The following PLPP4 variants were observed in gnomAD, a reference collection of about 807,000 sequenced individuals.
PLPP4 encodes phospholipid phosphatase 4.
In PLPP4, 20 loss-of-function variants were observed where a neutral mutation model predicts 32.2. The observed-to-expected ratio is 0.62, with a 90% CI of 0.44 to 0.90. The LOEUF is 0.90. PLPP4 is among the 40% of genes least tolerant of loss of function. The pLI, the probability that PLPP4 is intolerant of heterozygous loss-of-function variation, is 0.00. For synonymous variants in PLPP4, 127 were observed against 133.0 expected (o/e 0.95, Z 0.31); for missense variants, 257 against 353.1 (o/e 0.73, Z 2.18).
chr10:120,528,339 G>T (rs1846526159), intron 5 of PLPP4, among the ~76,000 whole-genome samples: 1 of 152,074 alleles, frequency 6.6e-6, no homozygotes, highest in Non-Finnish European at 1.5e-5. Context: ...CTCCCAAAGT[G>T]CTGGGATTAC....
At chr10:120,491,140 G>GT (rs1233900323) in intron 1 of PLPP4, among the ~76,000 whole-genome samples, 3 of 152,190 alleles carry the variant, frequency 2.0e-5, no homozygotes, top group African/African-American at 7.2e-5. Flanking sequence ...GCCCTGCTGG[G>GT]TGAGGGGACC....
chr10:120,457,201 A>G (rs2133757699), upstream of PLPP4: 1 of 827,716 alleles, frequency 1.2e-6, no homozygotes, highest in South Asian at 5.8e-5. Flanking sequence ...CGCGGCCTGG[A>G]GCGCGCCTCC....
intron 5 of PLPP4, among the ~76,000 whole-genome samples, chr10:120,573,473 C>T (rs960845922): frequency 6.6e-6 from 1 of 152,144 alleles, no homozygotes; most frequent in African/African-American, 2.4e-5. Flanking sequence ...TTATCTTGAA[C>T]TTACAGTTTA....
chr10:120,544,017 A>G (rs1398374457), intron 5 of PLPP4, among the ~76,000 whole-genome samples: 1 of 152,194 alleles, frequency 6.6e-6, no homozygotes, highest in South Asian at 2.1e-4. Flanking sequence ...TTCATCCAGC[A>G]GTGTACACTT....
At chr10:120,504,458 A>C (rs1297379632) in intron 2 of PLPP4, among the ~76,000 whole-genome samples, 1 of 152,222 alleles carries the variant, frequency 6.6e-6, no homozygotes, top group Non-Finnish European at 1.5e-5. Flanking sequence ...ACATTTCCAA[A>C]TAAGGAAGGG....
chr10:120,513,298 G>T (rs557158539), intron 2 of PLPP4, among the ~76,000 whole-genome samples: 1 of 152,174 alleles, frequency 6.6e-6, no homozygotes, highest in Admixed American at 6.5e-5. Flanking sequence ...CAGTACCATG[G>T]TTTCCACCTC....
At chr10:120,541,926 G>A (rs529970902) in intron 5 of PLPP4, among the ~76,000 whole-genome samples, 33 of 152,088 alleles carry the variant, frequency 2.2e-4, no homozygotes, top group Non-Finnish European at 4.4e-4. Flanking sequence ...ACAGGCGACC[G>A]CCACCATGCT....
chr10:120,573,997 C>T (rs938132308), intron 5 of PLPP4, among the ~76,000 whole-genome samples: 2 of 152,048 alleles, frequency 1.3e-5, no homozygotes, highest in Non-Finnish European at 2.9e-5. Context: ...GCTCCATCCC[C>T]TCAGAAGTAC....
chr10:120,470,463 C>A (rs1353184891), intron 1 of PLPP4, among the ~76,000 whole-genome samples: 3 of 152,030 alleles, frequency 2.0e-5, no homozygotes, highest in African/African-American at 7.2e-5. Context: ...TGAGTCTTTC[C>A]TTGTGGTTTC....
chr10:120,472,323 T>C (rs1848552468), intron 1 of PLPP4, among the ~76,000 whole-genome samples: 1 of 152,102 alleles, frequency 6.6e-6, no homozygotes, highest in Non-Finnish European at 1.5e-5. Context: ...ATATCTTTAT[T>C]TTGCCTTTAT....
intron 5 of PLPP4, among the ~76,000 whole-genome samples, chr10:120,536,781 C>G (rs1847045972): frequency 6.6e-6 from 1 of 151,632 alleles, no homozygotes; most frequent in African/African-American, 2.4e-5. Flanking sequence ...AAATGGGAGG[C>G]AATACTTGCA....
intron 5 of PLPP4, among the ~76,000 whole-genome samples, chr10:120,526,578 C>T (rs1846401907): frequency 6.6e-6 from 1 of 152,146 alleles, no homozygotes; most frequent in Admixed American, 6.5e-5. Context: ...TAGGTGCTCA[C>T]AGGTCAGTTC....
At chr10:120,494,320 G>A (rs867440028) in intron 1 of PLPP4, among the ~76,000 whole-genome samples, 3 of 152,134 alleles carry the variant, frequency 2.0e-5, no homozygotes, top group African/African-American at 7.2e-5. Context: ...TATTATCAGC[G>A]TCACTTCAGA....
intron 6 of PLPP4, among the ~76,000 whole-genome samples, chr10:120,586,142 T>C (rs1849744756): frequency 6.6e-6 from 1 of 151,316 alleles, no homozygotes; most frequent in African/African-American, 2.4e-5. Context: ...TTTCTTTTTT[T>C]TTTTTTTAAA....
chr10:120,569,623 A>G (rs966591444), intron 5 of PLPP4, among the ~76,000 whole-genome samples: 1 of 152,240 alleles, frequency 6.6e-6, no homozygotes, highest in Non-Finnish European at 1.5e-5. Flanking sequence ...TGAAAATCTC[A>G]CATGGCTCAG....
intron 6 of PLPP4, among the ~76,000 whole-genome samples, chr10:120,588,991 A>C (rs1256411938): frequency 6.6e-6 from 1 of 152,240 alleles, no homozygotes. Flanking sequence ...GGCTGCAGTG[A>C]GGCGAGATTG....
At chr10:120,470,841 G>GC (rs1406364378) in intron 1 of PLPP4, among the ~76,000 whole-genome samples, 1 of 152,190 alleles carries the variant, frequency 6.6e-6, no homozygotes, top group African/African-American at 2.4e-5. Context: ...AGGCTCTAGT[G>GC]CCAGGATACC....
rs572914197 is a variant in PLPP4 at position 120,534,103 on chromosome 10, T to C, written c.445+13008T>C. On this transcript the variant is annotated intron_variant, in intron 5 of 6. Coordinates refer to ENST00000398250, the MANE Select transcript of PLPP4 (RefSeq NM_001030059.3). ...ATTTCAAATTACTATCTGGGATCAC[T>C]TGTTTGTGGTCTAAAGACTTTAGTA... Among the ~76,000 whole-genome samples, 6 of 152,304 alleles carry C rather than the reference T, an allele frequency of 3.9e-5. No homozygotes were observed. The South Asian group carries it at 1.2e-3, about 32-fold the overall frequency.
At chr10:120,586,184 G>C (rs1391009288) in intron 6 of PLPP4, among the ~76,000 whole-genome samples, 1 of 149,722 alleles carries the variant, frequency 6.7e-6, no homozygotes, top group African/African-American at 2.5e-5. Context: ...GCCTGGGCTG[G>C]AGCGCAGTGG....
Sources: gnomAD v4.1 joint callset for allele counts (sites outside exome capture counted in the v4.1 genomes callset) on GRCh38, gnomAD v4.1.1 for gene constraint, MANE v1.5 for transcripts, NCBI Gene and HGNC (gene_info 2026-07-23, HGNC 2026-07-21) for gene names.